The following UBE2R2 variants were observed in gnomAD, a reference collection of about 807,000 sequenced individuals.
The protein encoded by UBE2R2 is ubiquitin conjugating enzyme E2 R2.
Under a neutral mutation model 27.8 loss-of-function variants are expected in UBE2R2, and 1 was observed. The ratio of observed to expected loss-of-function variants is 0.04; its 90% CI spans 0.01 to 0.17. The LOEUF (loss-of-function observed/expected upper bound fraction) is 0.17. Ranked by LOEUF, UBE2R2 falls within the 10% of genes least tolerant of loss-of-function variation. UBE2R2 has a pLI of 1.00. For missense variants in UBE2R2, 100 were observed against 291.0 expected (o/e 0.34, Z 4.78); for synonymous variants, 106 against 113.3 (o/e 0.94, Z 0.41).
intron 3 of UBE2R2, among the ~76,000 whole-genome samples, chr9:33,902,598 G>C (rs1312434472): frequency 6.6e-6 from 1 of 152,162 alleles, no homozygotes; most frequent in Admixed American, 6.5e-5. Context: ...ATTGCTAGAT[G>C]CCTGTATCGT....
intron 4 of UBE2R2, among the ~76,000 whole-genome samples, chr9:33,914,600 G>A (rs1822591990): frequency 6.6e-6 from 1 of 152,136 alleles, no homozygotes; most frequent in Non-Finnish European, 1.5e-5. Context: ...TTTGAGGCGG[G>A]TGGATCACCT....
At chr9:33,901,342 T>TGATGG (rs1345327633) in intron 3 of UBE2R2, among the ~76,000 whole-genome samples, 11 of 152,214 alleles carry the variant, frequency 7.2e-5, no homozygotes, top group African/African-American at 2.4e-4. Context: ...TTATCCCTGT[T>TGATGG]GATGGGATAC....
intron 1 of UBE2R2, among the ~76,000 whole-genome samples, chr9:33,856,044 C>A (rs929715097): frequency 1.3e-5 from 2 of 152,194 alleles, no homozygotes; most frequent in East Asian, 3.9e-4. Flanking sequence ...GGTGATAGAA[C>A]CTGCCTCAAA....
intron 1 of UBE2R2, among the ~76,000 whole-genome samples, chr9:33,839,472 A>G (rs1186674200): frequency 1.3e-5 from 2 of 150,490 alleles, no homozygotes; most frequent in Non-Finnish European, 2.9e-5. Context: ...TCCTGACCTC[A>G]GGTGATCCAC....
rs142263089 is a variant in UBE2R2 at position 33,833,489 on chromosome 9, C to T, written c.177+15555C>T. ...GATTACAGACATGAACCACTGTGCC[C>T]GGCTGATATGGTCGTTTCTTGTAAG... On this transcript the variant is annotated intron_variant, in intron 1 of 4. Coordinates refer to ENST00000263228, the MANE Select transcript of UBE2R2 (RefSeq NM_017811.4). Among the ~76,000 whole-genome samples, 566 of 152,242 alleles carry T rather than the reference C, an allele frequency of 3.7e-3. 6 individuals are homozygous for T. The highest frequency in any genetic ancestry group is 0.029 in the Admixed American group (443 of 15,284).
At chr9:33,907,441 A>G (rs926706976) in intron 3 of UBE2R2, among the ~76,000 whole-genome samples, 2 of 152,136 alleles carry the variant, frequency 1.3e-5, no homozygotes, top group Non-Finnish European at 2.9e-5. Flanking sequence ...TGGCAGTGGG[A>G]ATTGTGTAAT....
intron 1 of UBE2R2, among the ~76,000 whole-genome samples, chr9:33,831,815 ACGCCC>A (rs1820489638): frequency 6.6e-6 from 1 of 151,462 alleles, no homozygotes. Flanking sequence ...GCCTGCCAAC[ACGCCC>A]GGTTAATTTT....
chr9:33,861,251 C>A (rs1037715727), intron 1 of UBE2R2, among the ~76,000 whole-genome samples: 1 of 150,846 alleles, frequency 6.6e-6, no homozygotes, highest in South Asian at 2.1e-4. Context: ...TGAGCCACTG[C>A]GCCTGGCCAA....
chr9:33,864,141 A>G (rs7852198), intron 1 of UBE2R2, among the ~76,000 whole-genome samples: 30,015 of 151,990 alleles, frequency 0.2, 3,243 homozygotes, highest in South Asian at 0.33. Context: ...TACTAATTTT[A>G]TCTGCTGATG....
intron 3 of UBE2R2, among the ~76,000 whole-genome samples, chr9:33,905,194 A>G (rs1468863450): frequency 6.6e-6 from 1 of 152,222 alleles, no homozygotes; most frequent in South Asian, 2.1e-4. Context: ...AATTTCAAAA[A>G]TAAAGCGTGA....
chr9:33,901,619 TC>T (rs1822246632), intron 3 of UBE2R2, among the ~76,000 whole-genome samples: 1 of 152,210 alleles, frequency 6.6e-6, no homozygotes, highest in Admixed American at 6.5e-5. Context: ...TTGATTAGAA[TC>T]TCCAGGTTTA....
chr9:33,868,374 T>C (rs13291351), intron 1 of UBE2R2, among the ~76,000 whole-genome samples: 10,328 of 152,256 alleles, frequency 0.068, 491 homozygotes, highest in Non-Finnish European at 0.099. Context: ...CCAGCCTTTC[T>C]GTCAGTTTGA....
At chr9:33,907,873 G>C (rs571687171) in intron 3 of UBE2R2, among the ~76,000 whole-genome samples, 1 of 152,052 alleles carries the variant, frequency 6.6e-6, no homozygotes, top group South Asian at 2.1e-4. Flanking sequence ...TTGTTGCCCA[G>C]GCTGGAGTGC....
At chr9:33,912,455 C>G (rs568026264) in intron 4 of UBE2R2, among the ~76,000 whole-genome samples, 1 of 152,000 alleles carries the variant, frequency 6.6e-6, no homozygotes, top group South Asian at 2.1e-4. Flanking sequence ...GAAACCCTGT[C>G]TCTACTAAAA....
chr9:33,828,101 A>G (rs1820355513), intron 1 of UBE2R2, among the ~76,000 whole-genome samples: 1 of 151,800 alleles, frequency 6.6e-6, no homozygotes, highest in Admixed American at 6.6e-5. Context: ...TCAGGAGTTC[A>G]AGACCAGCCT....
chr9:33,869,120 C>A (rs1821425654), intron 1 of UBE2R2, among the ~76,000 whole-genome samples: 1 of 152,016 alleles, frequency 6.6e-6, no homozygotes, highest in East Asian at 1.9e-4. Context: ...ATGAAAAAAA[C>A]TAGTTGGGTG....
intron 2 of UBE2R2, among the ~76,000 whole-genome samples, chr9:33,894,730 A>G (rs965160928): frequency 1.3e-5 from 2 of 152,192 alleles, no homozygotes; most frequent in African/African-American, 2.4e-5. Context: ...CTCCATCACT[A>G]TAAAAAAAAT....
chr9:33,904,298 C>T (rs972844788), intron 3 of UBE2R2, among the ~76,000 whole-genome samples: 3 of 152,122 alleles, frequency 2.0e-5, no homozygotes, highest in Admixed American at 6.6e-5. Flanking sequence ...TACCTCTCTG[C>T]TGCTAAATTA....
intron 1 of UBE2R2, among the ~76,000 whole-genome samples, chr9:33,820,375 T>C (rs1268901393): frequency 6.6e-6 from 1 of 152,242 alleles, no homozygotes; most frequent in East Asian, 1.9e-4. Flanking sequence ...GTATGAAAAT[T>C]TGTAAACAGG....
Sources: gnomAD v4.1 joint callset for allele counts (sites outside exome capture counted in the v4.1 genomes callset) on GRCh38, gnomAD v4.1.1 for gene constraint, MANE v1.5 for transcripts, NCBI Gene and HGNC (gene_info 2026-07-23, HGNC 2026-07-21) for gene names.